Variants in LRP1B observed in about 807,000 individuals in gnomAD.
LRP1B encodes the protein low-density lipoprotein receptor-related protein 1B.
LRP1B carries 217 observed loss-of-function variants against 556.6 expected under a neutral mutation model. The ratio of observed to expected loss-of-function variants is 0.39; its 90% CI spans 0.35 to 0.44. LRP1B has a LOEUF of 0.44. Among genes scored for constraint, LRP1B ranks in the 20% least tolerant of loss-of-function variants. The probability of loss-of-function intolerance (pLI) is 1.00; values close to 1 mark genes in which losing one functional copy is unlikely to be tolerated. For missense variants in LRP1B, 5,053 were observed against 5,620.8 expected, an observed-to-expected ratio of 0.90 and a Z score of 3.23; for synonymous variants, 2,047 against 1,865.8, an observed-to-expected ratio of 1.10 and a Z score of -2.50.
intron 43 of LRP1B, among the ~76,000 whole-genome samples, chr2:140,586,365 T>A (rs1184461786): frequency 6.6e-6 from 1 of 152,108 alleles, no homozygotes; most frequent in Non-Finnish European, 1.5e-5. Flanking sequence ...TCTCTCTAGC[T>A]AAAAGACCAG....
intron 41 of LRP1B, among the ~76,000 whole-genome samples, chr2:140,620,458 T>G (rs1683410024): frequency 6.6e-6 from 1 of 152,228 alleles, no homozygotes; most frequent in African/African-American, 2.4e-5. Flanking sequence ...ACATTTATCC[T>G]CTTCGCCTAA....
intron 72 of LRP1B, 33 bp downstream of exon 72, chr2:140,364,628 A>C: frequency 6.2e-7 from 1 of 1,602,882 alleles, no homozygotes; most frequent in Non-Finnish European, 8.5e-7. Flanking sequence ...CAGAAGATAA[A>C]AGTATAATCT....
At chr2:140,899,145 A>G (rs1458300259) in intron 23 of LRP1B, 2 of 199,582 alleles carry the variant, frequency 1.0e-5, no homozygotes, top group South Asian at 9.4e-5. Context: ...ACCTTGCAGC[A>G]TACTGACTTG....
At chr2:140,648,973 G>A (rs1684580386) in intron 41 of LRP1B, among the ~76,000 whole-genome samples, 1 of 152,130 alleles carries the variant, frequency 6.6e-6, no homozygotes, top group African/African-American at 2.4e-5. Context: ...TGGTAGTGGG[G>A]TGGGAGAGAA....
At chr2:140,272,747 T>G (rs547004650) in intron 85 of LRP1B, among the ~76,000 whole-genome samples, 1 of 152,026 alleles carries the variant, frequency 6.6e-6, no homozygotes, top group African/African-American at 2.4e-5. Context: ...TCATCTAACA[T>G]GTTTCAGAAA....
intron 1 of LRP1B, among the ~76,000 whole-genome samples, chr2:141,902,810 C>G (rs1020907187): frequency 6.6e-6 from 1 of 151,934 alleles, no homozygotes; most frequent in Non-Finnish European, 1.5e-5. Flanking sequence ...GAAGCCTACA[C>G]TTACATTATT....
At chr2:140,457,693 AC>A (rs1332808791) in intron 60 of LRP1B, 42 bp from the exon 61 acceptor site, 2 of 1,503,412 alleles carry the variant, frequency 1.3e-6, no homozygotes, top group African/African-American at 2.8e-5. Flanking sequence ...GTCTTGGAAG[AC>A]TGCCAGTTAA....
chr2:141,211,866 A>G (rs1682569363), intron 6 of LRP1B, among the ~76,000 whole-genome samples: 1 of 152,114 alleles, frequency 6.6e-6, no homozygotes, highest in African/African-American at 2.4e-5. Flanking sequence ...TTGACTCTCA[A>G]TGGATGGCCT....
chr2:140,240,540 A>G (rs1170864006), intron 87 of LRP1B, among the ~76,000 whole-genome samples: 1 of 150,732 alleles, frequency 6.6e-6, no homozygotes, highest in Non-Finnish European at 1.5e-5. Flanking sequence ...CACTTATTAT[A>G]AGAAGAAAAC....
chr2:141,639,385 T>C (rs1689239809), intron 2 of LRP1B, among the ~76,000 whole-genome samples: 4 of 86,756 alleles, frequency 4.6e-5, no homozygotes, highest in African/African-American at 1.4e-4. Context: ...TACACATATA[T>C]ATATACACAT....
In LRP1B at chr2:140,324,015, G is replaced by T; in HGVS notation, c.12392C>A (p.Ala4131Glu). ...IDIFEDYIYG[A>E]GPKNGVFRVQ... Reference sequence around the variant, plus strand: ...TCGAAATACACCATTTTTAGGTCCTGCTCCATATATATAATCTTCAAAGAT... The same window carrying T: ...TCGAAATACACCATTTTTAGGTCCTTCTCCATATATATAATCTTCAAAGAT... Residue 4131 changes from alanine (A) to glutamate (E), a missense_variant, in exon 81 of 91, where the codon GCA becomes GAA. Ala to Glu is a moderately radical substitution (Grantham distance 107). Coordinates refer to ENST00000389484, the MANE Select transcript of LRP1B (RefSeq NM_018557.3). 1 of 1,609,916 alleles carries T rather than the reference G, an allele frequency of 6.2e-7. No homozygotes were observed. The highest frequency in any genetic ancestry group is 8.5e-7 in the Non-Finnish European group (1 of 1,176,870).
At chr2:141,147,117 T>C (rs967303235) in intron 7 of LRP1B, among the ~76,000 whole-genome samples, 2 of 152,188 alleles carry the variant, frequency 1.3e-5, no homozygotes, top group Non-Finnish European at 2.9e-5. Flanking sequence ...TTCTGGAACA[T>C]GCTGCATTCC....
intron 1 of LRP1B, among the ~76,000 whole-genome samples, chr2:142,050,450 T>C (rs1704416487): frequency 6.6e-6 from 1 of 152,138 alleles, no homozygotes; most frequent in Admixed American, 6.6e-5. Context: ...ATAAATGTTC[T>C]TCTATTTTTG....
chr2:141,122,987 A>C (rs2105002775), intron 7 of LRP1B, among the ~76,000 whole-genome samples: 1 of 152,198 alleles, frequency 6.6e-6, no homozygotes, highest in African/African-American at 2.4e-5. Flanking sequence ...TTCTCAGTAA[A>C]CTATTGCAAG....
intron 3 of LRP1B, among the ~76,000 whole-genome samples, chr2:141,370,474 G>A (rs922069616): frequency 2.6e-5 from 4 of 152,008 alleles, no homozygotes; most frequent in Non-Finnish European, 4.4e-5. Context: ...ATTCATGTCA[G>A]CCTACTTTTC....
chr2:141,280,736 G>A (rs1685480044), intron 3 of LRP1B, among the ~76,000 whole-genome samples: 1 of 151,820 alleles, frequency 6.6e-6, no homozygotes, highest in Non-Finnish European at 1.5e-5. Flanking sequence ...TAAACATATA[G>A]TACTTAATAA....
At chr2:142,111,178 A>AG (rs969015452) in intron 1 of LRP1B, among the ~76,000 whole-genome samples, 25 of 152,116 alleles carry the variant, frequency 1.6e-4, no homozygotes, top group African/African-American at 5.1e-4. Flanking sequence ...AATAATGCTT[A>AG]GTGTGTGTTA....
chr2:141,087,054 C>A (rs10167630), intron 7 of LRP1B, among the ~76,000 whole-genome samples: 124,023 of 152,164 alleles, frequency 0.82, 51,165 homozygotes, highest in East Asian at 0.88. Context: ...GTGGCGGCAG[C>A]AATGTAGATT....
chr2:141,585,799 G>C (rs1687116261), intron 2 of LRP1B, among the ~76,000 whole-genome samples: 1 of 151,862 alleles, frequency 6.6e-6, no homozygotes, highest in South Asian at 2.1e-4. Flanking sequence ...TTGAGAGATG[G>C]GTGCCTTACT....
Sources: allele counts gnomAD v4.1 joint callset (sites outside exome capture counted in the v4.1 genomes callset), GRCh38; gene constraint gnomAD v4.1.1; transcripts MANE v1.5; gene names NCBI Gene and HGNC (gene_info 2026-07-23, HGNC 2026-07-21).